Variants in WDR49 observed in about 807,000 individuals in gnomAD.
The protein encoded by WDR49 is cilia- and flagella-associated protein 337.
Under a neutral mutation model 119.5 loss-of-function variants are expected in WDR49, and 107 were observed. The ratio of observed to expected loss-of-function variants is 0.90; its 90% CI spans 0.77 to 1.05. The LOEUF is 1.05. Among genes scored for constraint, WDR49 ranks in the 50% least tolerant of loss-of-function variants. The probability of loss-of-function intolerance (pLI) is 0.00; values close to 1 mark genes in which losing one functional copy is unlikely to be tolerated. For synonymous variants in WDR49, 425 were observed against 418.8 expected (o/e 1.01, Z -0.18); for missense variants, 1,240 against 1,220.5 (o/e 1.02, Z -0.24).
chr3:167,595,821 T>C (rs1189382304), intron 7 of WDR49, among the ~76,000 whole-genome samples: 1 of 151,792 alleles, frequency 6.6e-6, no homozygotes, highest in Non-Finnish European at 1.5e-5. Flanking sequence ...AAGGACTTCA[T>C]GTCTAAAACA....
intron 7 of WDR49, 80 bp from the exon 8 acceptor site, chr3:167,576,231 C>A: frequency 8.5e-7 from 1 of 1,182,466 alleles, no homozygotes; most frequent in South Asian, 1.4e-5. Context: ...CTAGCTCACC[C>A]TCAATACCAG....
intron 2 of WDR49, chr3:167,633,427 C>T (rs955624673): frequency 3.7e-5 from 17 of 455,896 alleles, no homozygotes; most frequent in Non-Finnish European, 5.7e-5. Flanking sequence ...AGAACCATGG[C>T]TCTTTCACAT....
intron 15 of WDR49, among the ~76,000 whole-genome samples, chr3:167,527,439 T>C (rs1752676033): frequency 6.6e-6 from 1 of 152,178 alleles, no homozygotes; most frequent in African/African-American, 2.4e-5. Flanking sequence ...TTTTCTGCAT[T>C]TGATTATTAC....
chr3:167,602,510 G>A (rs1454490750), intron 6 of WDR49, among the ~76,000 whole-genome samples: 1 of 151,994 alleles, frequency 6.6e-6, no homozygotes, highest in African/African-American at 2.4e-5. Context: ...AAGGGGAAAA[G>A]GCTATGTATG....
Position 167,531,119 on chromosome 3 carries a change from C to T in WDR49, c.2214G>A (p.Val738=), listed in dbSNP as rs188594602. The T allele has an allele frequency of 5.0e-6, 8 of 1,609,948 alleles. No homozygotes were observed. Among genetic ancestry groups the T allele is most frequent in the East Asian group, 2.2e-5 (1 of 44,802 alleles). The change falls in exon 13 of 19, where the codon GTG becomes GTA. Residue 738 remains valine, a synonymous_variant. Coordinates refer to ENST00000682715, the MANE Select transcript of WDR49 (RefSeq NM_001366157.1). The part of the protein sequence containing the change: ...CFLKARKNTA[V]TGGANLVSCG... ...AAATGTAAATATATATTTTACCTGTCACTGCAGTGTTTTTTCTTGCTTTAA... is the reference window on the plus strand; with the variant it reads ...AAATGTAAATATATATTTTACCTGTTACTGCAGTGTTTTTTCTTGCTTTAA...
rs143006053 is a variant in WDR49 at position 167,507,150 on chromosome 3, C to T, written c.2775-1734G>A. The stretch of plus-strand genomic sequence containing the variant: ...TGGAAGCAAGTTTTCAAGCACAATG[C>T]ACATTTAAGAGGGGATGGGGGGGTA... On this transcript the variant is annotated intron_variant, in intron 16 of 18. Coordinates refer to ENST00000682715, the MANE Select transcript of WDR49 (RefSeq NM_001366157.1). Among the ~76,000 whole-genome samples, 151 of 152,116 alleles carry T rather than the reference C, an allele frequency of 9.9e-4. No individual in the cohort carries two copies. The Middle Eastern group carries it at 0.014, about 14-fold the overall frequency.
chr3:167,552,566 G>A (rs948635096), intron 10 of WDR49, among the ~76,000 whole-genome samples: 2 of 151,976 alleles, frequency 1.3e-5, no homozygotes, highest in South Asian at 4.1e-4. Context: ...GAAAAAGCAC[G>A]TTTTGGAAAG....
rs1402227303 is a variant in WDR49 at position 167,522,018 on chromosome 3, A to ATAGATAGT, written c.2774+296_2774+297insACTATCTA. 4.1e-3 allele frequency among the ~76,000 whole-genome samples: 423 copies of ATAGATAGT among 103,510 alleles called. 3 individuals carry two copies. Among genetic ancestry groups the ATAGATAGT allele is most frequent in the Non-Finnish European group, 5.7e-3 (240 of 41,780 alleles). The allele number at this position is 103,510 out of a possible 152,430, so 67.9% of individuals were successfully genotyped here. On this transcript the variant is annotated intron_variant, in intron 16 of 18. Transcript: ENST00000682715. Reference sequence around the variant, plus strand: ...GATAGATAGATAGATAGATAGATAGATTGTTTTTGAAGAAAGGGGCAAATT... The same window carrying ATAGATAGT: ...GATAGATAGATAGATAGATAGATAGATAGATAGTTTGTTTTTGAAGAAAGGGGCAAATT...
rs936793680 is a variant in WDR49 at position 167,545,530 on chromosome 3, C to G, written c.1824-8530G>C. Among the ~76,000 whole-genome samples, 97 of 105,882 alleles carry G rather than the reference C, an allele frequency of 9.2e-4. 4 individuals carry two copies. Among genetic ancestry groups the G allele is most frequent in the Non-Finnish European group, 5.8e-4 (27 of 46,710 alleles). The allele number at this position is 105,882 out of a possible 152,430, so 69.5% of individuals were successfully genotyped here. The stretch of plus-strand genomic sequence containing the variant: ...TATATTATATATATATATATGCACC[C>G]TGGAATACCACTGAAATAATGACAT... On this transcript the variant is annotated intron_variant, in intron 10 of 18. Transcript: ENST00000682715.
chr3:167,554,304 A>C (rs1712782565), intron 10 of WDR49, among the ~76,000 whole-genome samples: 1 of 152,142 alleles, frequency 6.6e-6, no homozygotes, highest in South Asian at 2.1e-4. Flanking sequence ...ATGAGAAAAG[A>C]AGTAATGAGT....
chr3:167,535,467 T>C (rs1184499761), intron 11 of WDR49, among the ~76,000 whole-genome samples: 1 of 152,048 alleles, frequency 6.6e-6, no homozygotes, highest in African/African-American at 2.4e-5. Flanking sequence ...GACACACAAA[T>C]GGCCAACAGA....
intron 16 of WDR49, among the ~76,000 whole-genome samples, chr3:167,508,458 T>C (rs1187117013): frequency 6.6e-6 from 1 of 152,112 alleles, no homozygotes; most frequent in Non-Finnish European, 1.5e-5. Context: ...AGGATTACAG[T>C]GAGAATTAAA....
rs1560277203 is a variant in WDR49, at chr3:167,542,268, A to G, written c.1824-5268T>C. 3.3e-5 allele frequency among the ~76,000 whole-genome samples: 5 copies of G among 152,284 alleles called. No homozygotes were observed. The South Asian group carries it at 8.3e-4, about 25-fold the overall frequency. ...AACAAAGAAACAATCGAATTAAACTATACCCTAGAACAAATGGACTTAACA... is the reference window on the plus strand; with the variant it reads ...AACAAAGAAACAATCGAATTAAACTGTACCCTAGAACAAATGGACTTAACA... On this transcript the variant is annotated intron_variant, in intron 10 of 18. Transcript: ENST00000682715.
chr3:167,530,376 A>G (rs1210251568), intron 13 of WDR49, among the ~76,000 whole-genome samples: 1 of 152,074 alleles, frequency 6.6e-6, no homozygotes, highest in East Asian at 1.9e-4. Context: ...AAAAAAATAT[A>G]CATTATTCTC....
chr3:167,488,549 A>G (rs539353929), intron 18 of WDR49, among the ~76,000 whole-genome samples: 29 of 152,126 alleles, frequency 1.9e-4, no homozygotes, highest in Non-Finnish European at 3.8e-4. Flanking sequence ...TAAAGTAAAT[A>G]AATAAATACA....
At chr3:167,587,694 G>A (rs1714891124) in intron 7 of WDR49, among the ~76,000 whole-genome samples, 1 of 151,992 alleles carries the variant, frequency 6.6e-6, no homozygotes, top group African/African-American at 2.4e-5. Flanking sequence ...ATGTTGCCTA[G>A]GCTGATCTTG....
At chr3:167,545,754 G>C (rs1712151306) in intron 10 of WDR49, among the ~76,000 whole-genome samples, 1 of 150,014 alleles carries the variant, frequency 6.7e-6, no homozygotes, top group Admixed American at 6.7e-5. Flanking sequence ...CTGCACATTG[G>C]GAACAGTGAA....
intron 8 of WDR49, among the ~76,000 whole-genome samples, chr3:167,564,993 ATT>A (rs750734039): frequency 1.4e-4 from 21 of 151,300 alleles, no homozygotes; most frequent in Non-Finnish European, 2.9e-4. Context: ...GCTGTTTATA[ATT>A]TTTTTTTGTT....
chr3:167,585,694 A>G (rs1291193932), intron 7 of WDR49, among the ~76,000 whole-genome samples: 1 of 151,878 alleles, frequency 6.6e-6, no homozygotes, highest in Non-Finnish European at 1.5e-5. Context: ...TTCACACTCA[A>G]AGGATAATAT....
Sources: allele counts gnomAD v4.1 joint callset (sites outside exome capture counted in the v4.1 genomes callset), GRCh38; gene constraint gnomAD v4.1.1; transcripts MANE v1.5; gene names NCBI Gene and HGNC (gene_info 2026-07-23, HGNC 2026-07-21).